The following NCAM2 variants were observed in gnomAD, a reference collection of about 807,000 sequenced individuals.
The protein encoded by NCAM2 is neural cell adhesion molecule 2, also known as N-CAM-2.
A neutral mutation model predicts 98.1 loss-of-function variants in NCAM2; 30 were observed. The observed-to-expected ratio is 0.31, with a 90% confidence interval of 0.23 to 0.41. NCAM2 has a LOEUF of 0.41. Among genes scored for constraint, NCAM2 ranks in the 10% least tolerant of loss-of-function variants. The pLI is 1.00. For missense variants in NCAM2, 867 were observed against 1,005.8 expected (o/e 0.86, Z 1.87); for synonymous variants, 368 against 342.4 (o/e 1.07, Z -0.83).
At chr21:21,088,742 C>T (rs959852773) in intron 1 of NCAM2, among the ~76,000 whole-genome samples, 1 of 152,054 alleles carries the variant, frequency 6.6e-6, no homozygotes, top group African/African-American at 2.4e-5. Flanking sequence ...CCTGTAATCC[C>T]AGCACTTTGG....
At chr21:21,094,345 A>T (rs1265876022) in intron 1 of NCAM2, among the ~76,000 whole-genome samples, 1 of 151,956 alleles carries the variant, frequency 6.6e-6, no homozygotes, top group East Asian at 1.9e-4. Context: ...TAGTTCAAGA[A>T]GGAAATGTAC....
chr21:21,308,561 G>A (rs1001966562), intron 5 of NCAM2, among the ~76,000 whole-genome samples: 2 of 151,888 alleles, frequency 1.3e-5, no homozygotes, highest in African/African-American at 2.4e-5. Context: ...TTGCTTTATC[G>A]CTTTTCTTAA....
At chr21:21,068,044 T>G (rs2065476768) in intron 1 of NCAM2, among the ~76,000 whole-genome samples, 1 of 152,250 alleles carries the variant, frequency 6.6e-6, no homozygotes, top group South Asian at 2.1e-4. Flanking sequence ...TTTTCATGTA[T>G]GTAAGGTGTT....
intron 1 of NCAM2, among the ~76,000 whole-genome samples, chr21:21,015,715 T>C (rs1371992470): frequency 6.6e-6 from 1 of 152,146 alleles, no homozygotes; most frequent in Non-Finnish European, 1.5e-5. Flanking sequence ...GTTTTTGGTT[T>C]TTTTTGAGAC....
intron 1 of NCAM2, among the ~76,000 whole-genome samples, chr21:21,138,266 CG>C (rs1219463575): frequency 6.6e-6 from 1 of 152,136 alleles, no homozygotes; most frequent in Non-Finnish European, 1.5e-5. Flanking sequence ...CTGCCCCAGA[CG>C]TTCCAATCTC....
At chr21:21,159,817 G>T (rs559493805) in intron 1 of NCAM2, among the ~76,000 whole-genome samples, 54 of 152,092 alleles carry the variant, frequency 3.6e-4, no homozygotes, top group African/African-American at 1.3e-3. Flanking sequence ...TATTGTGTAT[G>T]TGTGTGGTAT....
intron 1 of NCAM2, among the ~76,000 whole-genome samples, chr21:21,076,021 G>T (rs749058483): frequency 7.3e-5 from 11 of 151,708 alleles, no homozygotes; most frequent in Non-Finnish European, 1.6e-4. Flanking sequence ...GAAGGCTGAG[G>T]TAGGAGAATT....
chr21:21,455,349 G>A (rs1187433188), intron 12 of NCAM2, among the ~76,000 whole-genome samples: 1 of 151,186 alleles, frequency 6.6e-6, no homozygotes, highest in Non-Finnish European at 1.5e-5. Flanking sequence ...TGTATTCACT[G>A]CAACTTTAAT....
intron 1 of NCAM2, among the ~76,000 whole-genome samples, chr21:21,000,827 T>C (rs1455642967): frequency 6.6e-6 from 1 of 152,176 alleles, no homozygotes; most frequent in African/African-American, 2.4e-5. Context: ...AATTCCTCTA[T>C]GCTAGTGTTT....
chr21:21,230,480 A>G (rs947463526), intron 1 of NCAM2, among the ~76,000 whole-genome samples: 1 of 151,356 alleles, frequency 6.6e-6, no homozygotes, highest in Non-Finnish European at 1.5e-5. Context: ...CAAAGATACT[A>G]AAGCACTCTT....
chr21:21,509,092 A>C, intron 16 of NCAM2, 37 bp downstream of exon 16: 1 of 1,606,174 alleles, frequency 6.2e-7, no homozygotes, highest in Non-Finnish European at 8.5e-7. Flanking sequence ...CATATTAAAC[A>C]AGCGCCACAG....
intron 1 of NCAM2, among the ~76,000 whole-genome samples, chr21:21,195,169 A>G (rs1242760992): frequency 1.3e-5 from 2 of 152,314 alleles, no homozygotes; most frequent in Non-Finnish European, 2.9e-5. Context: ...TCGTATTGCT[A>G]TATTTTGGTA....
intron 1 of NCAM2, among the ~76,000 whole-genome samples, chr21:21,239,973 C>T (rs771111999): frequency 2.6e-5 from 4 of 152,136 alleles, no homozygotes; most frequent in Non-Finnish European, 5.9e-5. Context: ...GTCTCTCTCC[C>T]CCTCTCTTTG....
chr21:21,070,833 C>G (rs1333735151), intron 1 of NCAM2, among the ~76,000 whole-genome samples: 1 of 152,046 alleles, frequency 6.6e-6, no homozygotes, highest in African/African-American at 2.4e-5. Context: ...GTCAGTCTAG[C>G]TAGGAATGGG....
At chr21:21,533,929 A>T (rs1055346161) in intron 16 of NCAM2, among the ~76,000 whole-genome samples, 2 of 151,956 alleles carry the variant, frequency 1.3e-5, no homozygotes, top group Non-Finnish European at 2.9e-5. Context: ...TACAAAGATT[A>T]TTTTATTTAA....
chr21:21,515,780 G>A (rs1988676572), intron 16 of NCAM2, among the ~76,000 whole-genome samples: 1 of 152,112 alleles, frequency 6.6e-6, no homozygotes, highest in African/African-American at 2.4e-5. Context: ...CCCGTGTAAA[G>A]TACTGTATAA....
intron 17 of NCAM2, 22 bp from the exon 18 acceptor site, chr21:21,537,824 C>A: frequency 7.8e-7 from 1 of 1,279,872 alleles, no homozygotes; most frequent in Non-Finnish European, 1.1e-6. Flanking sequence ...GAAAATGAAG[C>A]TTATTATTTT....
chr21:21,164,781 A>AG (rs1394861410), intron 1 of NCAM2, among the ~76,000 whole-genome samples: 1 of 152,122 alleles, frequency 6.6e-6, no homozygotes, highest in Admixed American at 6.5e-5. Context: ...GCCTGGTGTT[A>AG]GGGGTCAAAT....
intron 1 of NCAM2, among the ~76,000 whole-genome samples, chr21:21,088,789 GA>G (rs2065953093): frequency 6.6e-6 from 1 of 151,916 alleles, no homozygotes; most frequent in Non-Finnish European, 1.5e-5. Flanking sequence ...TCAGGAGATC[GA>G]GACCGTGTCT....
Sources: gnomAD v4.1 joint callset for allele counts (sites outside exome capture counted in the v4.1 genomes callset) on GRCh38, gnomAD v4.1.1 for gene constraint, MANE v1.5 for transcripts, NCBI Gene and HGNC (gene_info 2026-07-23, HGNC 2026-07-21) for gene names.